The following NFXL1 variants were observed in gnomAD, a reference collection of about 807,000 sequenced individuals.
NFXL1 encodes the protein nuclear transcription factor, X-box binding like 1.
In NFXL1, 66 loss-of-function variants were observed where a neutral mutation model predicts 123.3. That is an observed-to-expected ratio of 0.54 (90% CI 0.44 to 0.66). The LOEUF is 0.66. Ranked by LOEUF, NFXL1 falls within the 30% of genes least tolerant of loss-of-function variation. The pLI is 0.00. For synonymous variants in NFXL1, 346 were observed against 360.8 expected, an observed-to-expected ratio of 0.96 and a Z score of 0.46; for missense variants, 944 against 1,125.6, an observed-to-expected ratio of 0.84 and a Z score of 2.31.
intron 19 of NFXL1, among the ~76,000 whole-genome samples, chr4:47,861,386 GC>G (rs1734758298): frequency 6.6e-6 from 1 of 152,162 alleles, no homozygotes; most frequent in Non-Finnish European, 1.5e-5. Context: ...AGGAGATCTA[GC>G]AATACCAGGG....
intron 4 of NFXL1, among the ~76,000 whole-genome samples, chr4:47,904,800 C>T (rs1418513669): frequency 6.6e-6 from 1 of 152,164 alleles, no homozygotes; most frequent in African/African-American, 2.4e-5. Context: ...CCCGACTGAC[C>T]CTCACCACTT....
At chr4:47,882,791 C>T (rs1275801363) in intron 15 of NFXL1, among the ~76,000 whole-genome samples, 1 of 152,136 alleles carries the variant, frequency 6.6e-6, no homozygotes, top group African/African-American at 2.4e-5. Flanking sequence ...GTAATGAACT[C>T]ATTAAGTAAC....
At chr4:47,859,478 A>C (rs1364460290) in intron 19 of NFXL1, among the ~76,000 whole-genome samples, 1 of 152,210 alleles carries the variant, frequency 6.6e-6, no homozygotes, top group Non-Finnish European at 1.5e-5. Flanking sequence ...GAAGTTAAAT[A>C]ATTTTCCCAA....
At chr4:47,885,821 A>AT (rs1203371672) in intron 13 of NFXL1, 58 bp downstream of exon 13, 1 of 1,562,252 alleles carries the variant, frequency 6.4e-7, no homozygotes, top group African/African-American at 1.4e-5. Context: ...TTAAAAGCCA[A>AT]TATGAATTTA....
Position 47,849,360 on chromosome 4 carries a change from AATGTAATATAATATGC to A in NFXL1, c.2563-1040_2563-1025del, listed in dbSNP as rs1399328873. ...TACTTATTAAACTTTTACACATAATAATGTAATATAATATGCTATAGTGCATAGGTAATTAAGACAA... is the reference window on the plus strand; with the variant it reads ...TACTTATTAAACTTTTACACATAATATATAGTGCATAGGTAATTAAGACAA... On this transcript the variant is annotated intron_variant, in intron 22 of 22. Coordinates refer to ENST00000507489, the MANE Select transcript of NFXL1 (RefSeq NM_001278624.2). 2.5e-4 allele frequency among the ~76,000 whole-genome samples: 38 copies of A among 152,266 alleles called. 1 individual carries two copies. The highest frequency in any genetic ancestry group is 7.7e-4 in the African/African-American group (32 of 41,564).
chr4:47,912,461 C>CTTTTT (rs11344755), intron 2 of NFXL1, among the ~76,000 whole-genome samples: 1 of 117,852 alleles, frequency 8.5e-6, no homozygotes. Flanking sequence ...TCTTTTCTTT[C>CTTTTT]TTTTTTTTTT....
At chr4:47,903,118 A>G in intron 5 of NFXL1, 75 bp downstream of exon 5, 2 of 1,056,332 alleles carry the variant, frequency 1.9e-6, no homozygotes, top group South Asian at 1.7e-5. Flanking sequence ...TCGCCACTGC[A>G]CTCCAGCCTG....
chr4:47,861,580 A>G lies in NFXL1; in HGVS notation c.2316+1266T>C, dbSNP rs76822060. On this transcript the variant is annotated intron_variant, in intron 19 of 22. Coordinates refer to ENST00000507489, the MANE Select transcript of NFXL1 (RefSeq NM_001278624.2). ...AGGTTACTAAGATTAAAAATAAAAC[A>G]TTCCCAACTACTTATTACCTGGAAT... Among the ~76,000 whole-genome samples, 475 of 152,292 alleles carry G rather than the reference A, an allele frequency of 3.1e-3. 2 individuals carry two copies. Among genetic ancestry groups the G allele is most frequent in the African/African-American group, 0.01 (416 of 41,552 alleles).
rs1733890745 is a variant in NFXL1, at chr4:47,847,748, AT to A, written c.*414del. 3 of 153,224 alleles carry A rather than the reference AT, an allele frequency of 2.0e-5. No individual in the cohort carries two copies. 9.5% of individuals were successfully genotyped at this position (153,224 alleles called of 1,614,324 possible). ...TTTTAAAAAGCACAAAGTTAACAGTATCAAGAAAAGTACTCTATCATAAGTA... is the reference window on the plus strand; with the variant it reads ...TTTTAAAAAGCACAAAGTTAACAGTACAAGAAAAGTACTCTATCATAAGTA... On this transcript the variant is annotated 3_prime_UTR_variant, in exon 23 of 23. Coordinates refer to ENST00000507489, the MANE Select transcript of NFXL1 (RefSeq NM_001278624.2).
At chr4:47,892,509 C>A (rs1175251112) in intron 11 of NFXL1, among the ~76,000 whole-genome samples, 1 of 152,070 alleles carries the variant, frequency 6.6e-6, no homozygotes, top group Non-Finnish European at 1.5e-5. Context: ...AAGGAGAAGG[C>A]AGAATAATTT....
At chr4:47,848,370 A>G (rs1450119211) in intron 22 of NFXL1, 34 bp from the exon 23 acceptor site, 2 of 1,486,212 alleles carry the variant, frequency 1.3e-6, no homozygotes, top group Non-Finnish European at 1.8e-6. Flanking sequence ...AATTAAATTC[A>G]ATGCATACAT....
At chr4:47,876,482 G>A (rs1200931938) in intron 17 of NFXL1, among the ~76,000 whole-genome samples, 1 of 152,122 alleles carries the variant, frequency 6.6e-6, no homozygotes, top group Non-Finnish European at 1.5e-5. Context: ...TCAAGTAACA[G>A]GATGAACAGA....
intron 19 of NFXL1, among the ~76,000 whole-genome samples, chr4:47,861,974 T>C (rs1299543211): frequency 6.6e-6 from 1 of 152,196 alleles, no homozygotes; most frequent in Admixed American, 6.5e-5. Flanking sequence ...GATAAGGGCA[T>C]AAAGACAATT....
chr4:47,894,268 G>C lies in NFXL1; in HGVS notation c.1364C>G (p.Thr455Arg). Residue 455 changes from threonine (T) to arginine (R), a missense_variant, in exon 11 of 23, where the codon ACA becomes AGA. Thr to Arg is a moderately conservative substitution (Grantham distance 71). This residue lies in a region of NFXL1 where 296 missense variants were observed against 395.1 expected (regional missense o/e 0.75). Transcript: ENST00000507489. ...VEKHCRCGKH[T>R]KRMPCHKPYL... ...AGGTTTATGACAAGGCATTCGTTTT[G>C]TATGCTTTCCACAGCGACAATGCTT... 6.2e-7 allele frequency: 1 copy of C among 1,601,848 alleles called. No homozygotes were observed. The highest frequency in any genetic ancestry group is 8.5e-7 in the Non-Finnish European group (1 of 1,173,282).
chr4:47,892,098 C>T (rs1409382521), intron 11 of NFXL1, among the ~76,000 whole-genome samples: 1 of 152,096 alleles, frequency 6.6e-6, no homozygotes, highest in East Asian at 1.9e-4. Flanking sequence ...GATGGAGTAA[C>T]AACAACCAGA....
chr4:47,878,817 C>A (rs897355161), intron 16 of NFXL1, 152 bp from the exon 17 acceptor site: 2 of 556,778 alleles, frequency 3.6e-6, no homozygotes, highest in East Asian at 6.7e-5. Flanking sequence ...ATCAAAGTAA[C>A]CTGTCAAAAT....
intron 18 of NFXL1, among the ~76,000 whole-genome samples, chr4:47,872,488 AT>A (rs1735509114): frequency 6.6e-6 from 1 of 151,482 alleles, no homozygotes; most frequent in East Asian, 1.9e-4. Context: ...GAAAAAAAAA[AT>A]TATGCCTAAG....
chr4:47,893,277 A>T (rs1736887398), intron 11 of NFXL1, among the ~76,000 whole-genome samples: 1 of 152,122 alleles, frequency 6.6e-6, no homozygotes, highest in Non-Finnish European at 1.5e-5. Context: ...CAGAAAAAAA[A>T]ATCTGAAGAA....
chr4:47,896,024 G>C (rs1451001108), intron 10 of NFXL1, among the ~76,000 whole-genome samples: 1 of 152,128 alleles, frequency 6.6e-6, no homozygotes, highest in East Asian at 1.9e-4. Context: ...AAAGAGAATG[G>C]GGAACGACTG....
Sources: gnomAD v4.1 joint callset for allele counts (sites outside exome capture counted in the v4.1 genomes callset) on GRCh38, gnomAD v4.1.1 for gene constraint, gnomAD v4.1.1 regional missense constraint, MANE v1.5 for transcripts, NCBI Gene and HGNC (gene_info 2026-07-23, HGNC 2026-07-21) for gene names.